Variants in LIPA observed in about 807,000 individuals in gnomAD.
LIPA encodes lysosomal acid lipase/cholesteryl ester hydrolase.
In LIPA, 26 loss-of-function variants were observed where a neutral mutation model predicts 40.6. The observed-to-expected ratio is 0.64, with a 90% CI of 0.47 to 0.89. LIPA has a LOEUF of 0.89. Ranked by LOEUF, LIPA falls within the 40% of genes least tolerant of loss-of-function variation. LIPA has a pLI of 0.00. For synonymous variants in LIPA, 188 were observed against 168.4 expected (o/e 1.12, Z -0.90); for missense variants, 455 against 479.6 (o/e 0.95, Z 0.48).
At chr10:89,363,798 G>T (rs1396980852) in intron 2 of LIPA, among the ~76,000 whole-genome samples, 1 of 151,016 alleles carries the variant, frequency 6.6e-6, no homozygotes, top group Non-Finnish European at 1.5e-5. Context: ...AAAAAGCGAG[G>T]GGGGGCGGGT....
chr10:89,242,987 A>T lies in LIPA; in HGVS notation c.229+2689T>A, dbSNP rs1353149750. The stretch of plus-strand genomic sequence containing the variant: ...TGAAGCAATTTAACGTGGGTGGCCT[A>T]GAGAGGACCCGTGGTCAAGAATGAT... On this transcript the variant is annotated intron_variant, in intron 3 of 9. Coordinates refer to ENST00000336233, the MANE Select transcript of LIPA (RefSeq NM_000235.4). Among the ~76,000 whole-genome samples, 3 of 152,188 alleles carry T rather than the reference A, an allele frequency of 2.0e-5. No homozygotes were observed. The East Asian group carries it at 5.8e-4, about 29-fold the overall frequency.
chr10:89,298,927 GAGCAGAGATCGCACC>G (rs1214750477), intron 1 of LIPA, among the ~76,000 whole-genome samples: 1 of 151,928 alleles, frequency 6.6e-6, no homozygotes, highest in Non-Finnish European at 1.5e-5. Context: ...AGGTTGCAGT[GAGCAGAGATCGCACC>G]ACTGCACTCC....
At chr10:89,287,185 C>G (rs1429243489) in intron 1 of LIPA, among the ~76,000 whole-genome samples, 6 of 152,236 alleles carry the variant, frequency 3.9e-5, no homozygotes, top group Non-Finnish European at 1.5e-5. Flanking sequence ...ACTGCCCGAT[C>G]ACCTGAGAAG....
intron 1 of LIPA, among the ~76,000 whole-genome samples, chr10:89,251,419 G>A (rs1843118563): frequency 6.6e-6 from 1 of 152,218 alleles, no homozygotes; most frequent in African/African-American, 2.4e-5. Context: ...CATCCCTGCT[G>A]TCCTCGCGGT....
chr10:89,230,678 T>C (rs937207649), intron 3 of LIPA, among the ~76,000 whole-genome samples: 10 of 152,148 alleles, frequency 6.6e-5, no homozygotes, highest in African/African-American at 2.2e-4. Context: ...ACATGACACC[T>C]TGGGGAAACA....
intron 1 of LIPA, among the ~76,000 whole-genome samples, chr10:89,312,965 G>A (rs1348046148): frequency 6.6e-6 from 1 of 152,054 alleles, no homozygotes; most frequent in East Asian, 1.9e-4. Flanking sequence ...ACTGGCAGAG[G>A]ACATGGCTTG....
chr10:89,307,578 G>T, intron 1 of LIPA: 2 of 497,564 alleles, frequency 4.0e-6, no homozygotes, highest in East Asian at 3.1e-5. Flanking sequence ...GGACCAGATT[G>T]GGGGGTAGGT....
At chr10:89,312,725 C>T (rs888584428) in intron 1 of LIPA, among the ~76,000 whole-genome samples, 1 of 151,454 alleles carries the variant, frequency 6.6e-6, no homozygotes, top group Non-Finnish European at 1.5e-5. Flanking sequence ...AGGAGAATGG[C>T]GTGAACCTGG....
At chr10:89,399,847 C>A (rs2133624817) in intron 2 of LIPA, among the ~76,000 whole-genome samples, 1 of 152,192 alleles carries the variant, frequency 6.6e-6, no homozygotes, top group East Asian at 1.9e-4. Flanking sequence ...AGCTGGTGTC[C>A]TTAGACACCA....
intron 2 of LIPA, chr10:89,392,804 G>A (rs933969744): frequency 1.5e-6 from 2 of 1,376,050 alleles, no homozygotes; most frequent in Non-Finnish European, 2.1e-6. Context: ...TTAGATCTCA[G>A]TGAGGTCAGG....
At chr10:89,253,187 A>T (rs1193542848), upstream of LIPA, among the ~76,000 whole-genome samples, 1 of 152,202 alleles carries the variant, frequency 6.6e-6, no homozygotes, top group East Asian at 1.9e-4. Flanking sequence ...GATCATTCTG[A>T]ACTACAGAAG....
intron 2 of LIPA, among the ~76,000 whole-genome samples, chr10:89,349,986 C>G (rs1843948387): frequency 1.3e-5 from 2 of 152,172 alleles, no homozygotes; most frequent in Non-Finnish European, 2.9e-5. Context: ...TATCACTGGA[C>G]AAAGTCTACA....
In LIPA at chr10:89,295,818, A is replaced by C. The variant is rs369695031; in HGVS notation, c.-2+46793T>G. ...TTCATTTTCTCAAAATAGAAATAAC[A>C]CCAGGAGAAAGTTGGTTTTCCTTTT... On this transcript the variant is annotated intron_variant, in intron 1 of 5. Coordinates refer to the LIPA transcript ENST00000282673. Among the ~76,000 whole-genome samples the C allele has an allele frequency of 1.2e-3, 180 of 152,370 alleles. 2 individuals are homozygous for C. Among genetic ancestry groups the C allele is most frequent in the African/African-American group, 4.1e-3 (171 of 41,590 alleles).
chr10:89,376,488 G>A (rs1172144730), intron 2 of LIPA, among the ~76,000 whole-genome samples: 3 of 152,056 alleles, frequency 2.0e-5, no homozygotes, highest in Admixed American at 1.3e-4. Flanking sequence ...GCTTTAGAAA[G>A]GTCAGGAGCA....
chr10:89,277,184 G>A (rs1843293060), intron 1 of LIPA, among the ~76,000 whole-genome samples: 1 of 152,236 alleles, frequency 6.6e-6, no homozygotes, highest in African/African-American at 2.4e-5. Flanking sequence ...AATAAAGCCT[G>A]CATGCAGTAG....
chr10:89,273,097 G>T (rs186342343), intron 1 of LIPA, among the ~76,000 whole-genome samples: 78 of 152,268 alleles, frequency 5.1e-4, no homozygotes, highest in Non-Finnish European at 9.4e-4. Context: ...ACAACCTTGT[G>T]CCCTGTCTTA....
chr10:89,385,512 C>T (rs895794349), intron 2 of LIPA, among the ~76,000 whole-genome samples: 1 of 152,208 alleles, frequency 6.6e-6, no homozygotes, highest in African/African-American at 2.4e-5. Context: ...CATCCTCAGT[C>T]TCCCAAACAA....
At chr10:89,371,891 G>A (rs947601246) in intron 2 of LIPA, among the ~76,000 whole-genome samples, 1 of 152,110 alleles carries the variant, frequency 6.6e-6, no homozygotes, top group Admixed American at 6.5e-5. Context: ...GGACAAGATC[G>A]TGTCCTTTGC....
rs531213355 is a variant in LIPA at position 89,225,731 on chromosome 10, A to G, written c.539-503T>C. The stretch of plus-strand genomic sequence containing the variant: ...TTGGGTGTGTTCCCACCCAAATCTC[A>G]TCTTTAATTGTAGTTCCCATAATTC... On this transcript the variant is annotated intron_variant, in intron 5 of 9. Transcript: ENST00000336233. Among the ~76,000 whole-genome samples, 27 of 152,264 alleles carry G rather than the reference A, an allele frequency of 1.8e-4. No individual in the cohort carries two copies. The South Asian group carries it at 2.9e-3, about 16-fold the overall frequency.
Sources: gnomAD v4.1 joint callset for allele counts (sites outside exome capture counted in the v4.1 genomes callset) on GRCh38, gnomAD v4.1.1 for gene constraint, MANE v1.5 for transcripts, NCBI Gene and HGNC (gene_info 2026-07-23, HGNC 2026-07-21) for gene names.